TATDN1: variants seen among roughly 807,000 people sequenced by gnomAD.
TATDN1 encodes deoxyribonuclease TATDN1.
A neutral mutation model predicts 46.4 loss-of-function variants in TATDN1; 40 were observed. The observed-to-expected ratio is 0.86, with a 90% confidence interval of 0.67 to 1.12. The LOEUF is 1.12. TATDN1 is among the 50% of genes most tolerant of loss of function. The pLI is 0.00. For synonymous variants in TATDN1, 95 were observed against 105.6 expected (o/e 0.90, Z 0.62); for missense variants, 326 against 348.4 (o/e 0.94, Z 0.51).
At chr8:124,511,371 T>C (rs1818992609) in intron 6 of TATDN1, among the ~76,000 whole-genome samples, 1 of 152,212 alleles carries the variant, frequency 6.6e-6, no homozygotes, top group Non-Finnish European at 1.5e-5. Flanking sequence ...GATGGCAACA[T>C]GGCCTCAATT....
At position 124,498,354 on chromosome 8, in the gene TATDN1, T is replaced by C. The variant is rs116994845; in HGVS notation, c.594-2812A>G. On this transcript the variant is annotated intron_variant, in intron 9 of 11. Transcript: ENST00000276692. ...TTCTCTAAATGCTTTTCTTTGGGGATTGATGTAAGCACTCCAAGCCCTAGT... is the reference window on the plus strand; with the variant it reads ...TTCTCTAAATGCTTTTCTTTGGGGACTGATGTAAGCACTCCAAGCCCTAGT... 2.3e-4 allele frequency among the ~76,000 whole-genome samples: 35 copies of C among 152,228 alleles called. 3 individuals carry two copies. In the East Asian group the frequency reaches 6.6e-3, roughly 29 times the overall value.
At chr8:124,504,208 G>T in intron 9 of TATDN1, 63 bp downstream of exon 9, 1 of 1,233,770 alleles carries the variant, frequency 8.1e-7, no homozygotes, top group Non-Finnish European at 1.2e-6. Flanking sequence ...GCAATTCACT[G>T]TAAGACAATT....
At chr8:124,494,851 T>A (rs1817331641) in intron 10 of TATDN1, 1 of 152,488 alleles carries the variant, frequency 6.6e-6, no homozygotes, top group African/African-American at 2.4e-5. Context: ...GCCTCCTAAG[T>A]AGCTAGGATT....
chr8:124,513,709 G>A (rs1819222127), intron 6 of TATDN1, among the ~76,000 whole-genome samples: 1 of 152,182 alleles, frequency 6.6e-6, no homozygotes, highest in African/African-American at 2.4e-5. Flanking sequence ...TTTAGAATCA[G>A]TTCTAACTCA....
chr8:124,495,614 C>G, intron 9 of TATDN1, 72 bp from the exon 10 acceptor site: 1 of 1,260,004 alleles, frequency 7.9e-7, no homozygotes, highest in East Asian at 2.5e-5. Flanking sequence ...CACAACTTGT[C>G]TAAAATGCTA....
intron 11 of TATDN1, among the ~76,000 whole-genome samples, chr8:124,492,026 G>A (rs1237237567): frequency 1.3e-5 from 2 of 149,402 alleles, no homozygotes; most frequent in African/African-American, 2.5e-5. Flanking sequence ...CCAGGCTAGA[G>A]TGCAATGGTG....
In TATDN1 at chr8:124,499,999, C is replaced by T. The variant is rs534986535; in HGVS notation, c.593+4272G>A. On this transcript the variant is annotated intron_variant, in intron 9 of 11. Transcript: ENST00000276692. ...AGCTGGGACTACAGGTGCCCACCACCATGCCCAGCTAATTTTTGTATTTTT... is the reference window on the plus strand; with the variant it reads ...AGCTGGGACTACAGGTGCCCACCACTATGCCCAGCTAATTTTTGTATTTTT... Among the ~76,000 whole-genome samples the T allele has an allele frequency of 5.3e-5, 8 of 152,098 alleles. No individual in the cohort carries two copies. In the South Asian group the frequency reaches 1.4e-3, roughly 28 times the overall value.
At chr8:124,525,007 C>G (rs181338348) in intron 1 of TATDN1, among the ~76,000 whole-genome samples, 261 of 152,154 alleles carry the variant, frequency 1.7e-3, no homozygotes, top group African/African-American at 6.0e-3. Context: ...TCTGGGCAGA[C>G]AGAAATGCAG....
chr8:124,533,562 A>G (rs1305666055), intron 1 of TATDN1, among the ~76,000 whole-genome samples: 2 of 152,138 alleles, frequency 1.3e-5, no homozygotes, highest in Non-Finnish European at 2.9e-5. Context: ...GCTGGTCCCA[A>G]TGTCAGGCAG....
intron 11 of TATDN1, among the ~76,000 whole-genome samples, chr8:124,493,632 A>G (rs1328701383): frequency 6.6e-6 from 1 of 152,266 alleles, no homozygotes; most frequent in African/African-American, 2.4e-5. Flanking sequence ...TTGTTACCAA[A>G]GAGTAGCAGG....
intron 9 of TATDN1, chr8:124,503,799 G>A (rs776327526): frequency 1.0e-5 from 7 of 681,294 alleles, no homozygotes; most frequent in Admixed American, 7.0e-5. Context: ...AGAGTGAGAA[G>A]CCAGAGGACA....
intron 1 of TATDN1, among the ~76,000 whole-genome samples, chr8:124,532,082 G>C (rs76300301): frequency 2.0e-5 from 3 of 152,042 alleles, no homozygotes; most frequent in South Asian, 2.1e-4. Context: ...GAAGAGCAAG[G>C]GGGGGAGGAG....
chr8:124,494,649 A>G (rs575498353), intron 10 of TATDN1: 1 of 152,284 alleles, frequency 6.6e-6, no homozygotes, highest in South Asian at 2.1e-4. Context: ...GGTTCAAACA[A>G]TTCTCGTGCC....
At chr8:124,510,479 G>A (rs1818913385) in intron 6 of TATDN1, among the ~76,000 whole-genome samples, 2 of 152,172 alleles carry the variant, frequency 1.3e-5, no homozygotes, top group African/African-American at 4.8e-5. Context: ...CTAATGGTCG[G>A]ATGGAAAATT....
intron 9 of TATDN1, among the ~76,000 whole-genome samples, chr8:124,501,255 T>G (rs2131381881): frequency 6.6e-6 from 1 of 152,208 alleles, no homozygotes; most frequent in African/African-American, 2.4e-5. Flanking sequence ...TGTTCCCCAC[T>G]TTTCCAGCAG....
chr8:124,490,608 C>T (rs1389274091), intron 11 of TATDN1, among the ~76,000 whole-genome samples: 1 of 152,168 alleles, frequency 6.6e-6, no homozygotes, highest in African/African-American at 2.4e-5. Flanking sequence ...TCGAATAACC[C>T]TTCTGTAGCC....
At position 124,516,050 on chromosome 8, in the gene TATDN1, T is replaced by C; in HGVS notation, c.203-20A>G. ...ACATACCTAACAGAAAATAATGTCT[T>C]AGGATTATTTTCAAAGTATTTTCTC... On this transcript the variant is annotated intron_variant, in intron 4 of 11. Coordinates refer to ENST00000276692, the MANE Select transcript of TATDN1 (RefSeq NM_032026.4). 1 of 1,560,926 alleles carries C rather than the reference T, an allele frequency of 6.4e-7. No homozygotes were observed. The highest frequency in any genetic ancestry group is 8.7e-7 in the Non-Finnish European group (1 of 1,155,180).
intron 9 of TATDN1, among the ~76,000 whole-genome samples, chr8:124,497,102 A>T (rs1157558660): frequency 1.3e-5 from 2 of 152,108 alleles, no homozygotes; most frequent in Non-Finnish European, 2.9e-5. Flanking sequence ...CACACATTGC[A>T]ATTGGTCATT....
intron 9 of TATDN1, chr8:124,503,962 A>G (rs1305250770): frequency 1.5e-6 from 2 of 1,311,532 alleles, no homozygotes; most frequent in Admixed American, 4.5e-5. Flanking sequence ...CTGTGAACAC[A>G]TGTTTTCAAG....
Sources: gnomAD v4.1 joint callset for allele counts (sites outside exome capture counted in the v4.1 genomes callset) on GRCh38, gnomAD v4.1.1 for gene constraint, MANE v1.5 for transcripts, NCBI Gene and HGNC (gene_info 2026-07-23, HGNC 2026-07-21) for gene names.